Variants in ASIC2 observed in about 807,000 individuals in gnomAD.
ASIC2 encodes acid-sensing ion channel 2.
A neutral mutation model predicts 57.3 loss-of-function variants in ASIC2; 25 were observed. The ratio of observed to expected loss-of-function variants is 0.44; its 90% CI spans 0.32 to 0.61. The LOEUF (loss-of-function observed/expected upper bound fraction) is 0.61, where lower values mean the gene tolerates loss of function less well. Ranked by LOEUF, ASIC2 falls within the 20% of genes least tolerant of loss-of-function variation. ASIC2 has a pLI of 0.06. For missense variants in ASIC2, 641 were observed against 738.1 expected (o/e 0.87, Z 1.52); for synonymous variants, 319 against 307.5 (o/e 1.04, Z -0.39).
chr17:33,853,255 T>C (rs1159544011), intron 1 of ASIC2, among the ~76,000 whole-genome samples: 2 of 152,132 alleles, frequency 1.3e-5, no homozygotes, highest in African/African-American at 2.4e-5. Flanking sequence ...GGGATGGTAG[T>C]AGAGGACCTC....
chr17:33,470,319 A>ATCCCTTTTAG (rs1373013113), intron 1 of ASIC2, among the ~76,000 whole-genome samples: 1 of 152,118 alleles, frequency 6.6e-6, no homozygotes, highest in Non-Finnish European at 1.5e-5. Flanking sequence ...CTGTGACCAG[A>ATCCCTTTTAG]TCCCTTTTAG....
At chr17:33,565,564 T>A (rs1440642415) in intron 1 of ASIC2, among the ~76,000 whole-genome samples, 1 of 152,216 alleles carries the variant, frequency 6.6e-6, no homozygotes, top group African/African-American at 2.4e-5. Context: ...CGTCCTCATC[T>A]TCCTTACCAA....
chr17:33,413,044 C>G (rs1910718793), intron 1 of ASIC2, among the ~76,000 whole-genome samples: 2 of 152,186 alleles, frequency 1.3e-5, no homozygotes, highest in African/African-American at 4.8e-5. Context: ...AGGCACTTGG[C>G]TTCTGAGGAC....
chr17:33,847,202 T>C (rs960020987), intron 1 of ASIC2, among the ~76,000 whole-genome samples: 1 of 151,638 alleles, frequency 6.6e-6, no homozygotes, highest in Non-Finnish European at 1.5e-5. Context: ...AAGTTTCTAG[T>C]AGCTTCAGGC....
intron 1 of ASIC2, among the ~76,000 whole-genome samples, chr17:33,922,794 C>T (rs1471890220): frequency 6.6e-6 from 1 of 152,172 alleles, no homozygotes; most frequent in African/African-American, 2.4e-5. Context: ...AGTTCCAACA[C>T]ACATGTTCTC....
intron 1 of ASIC2, among the ~76,000 whole-genome samples, chr17:33,130,785 C>CT (rs1366129778): frequency 6.6e-6 from 1 of 152,170 alleles, no homozygotes; most frequent in Non-Finnish European, 1.5e-5. Flanking sequence ...ACAGGAGGTG[C>CT]TGAAGGTGGA....
At chr17:33,892,826 G>A (rs1219900066) in intron 1 of ASIC2, among the ~76,000 whole-genome samples, 1 of 152,084 alleles carries the variant, frequency 6.6e-6, no homozygotes, top group African/African-American at 2.4e-5. Context: ...GCAGAGCCCC[G>A]AGCTGCCTGT....
At position 33,392,196 on chromosome 17, in the gene ASIC2, C is replaced by CCTTCCTTCCT. The variant is rs1567846190; in HGVS notation, c.556-280130_556-280129insAGGAAGGAAG. On this transcript the variant is annotated intron_variant, in intron 1 of 9. Transcript: ENST00000359872. ...CTTCCTTCCTTCCTTCCTTCCTTCC[C>CCTTCCTTCCT]TCCTTCCTTCCTTCCTTCCTTCCTT... Among the ~76,000 whole-genome samples the CCTTCCTTCCT allele has an allele frequency of 1.5e-3, 58 of 37,832 alleles. 3 individuals are homozygous for CCTTCCTTCCT. Among genetic ancestry groups the CCTTCCTTCCT allele is most frequent in the East Asian group, 3.8e-3 (6 of 1,570 alleles). The allele number at this position is 37,832 out of a possible 152,430, so 24.8% of individuals were successfully genotyped here.
rs1242444433 is a variant in ASIC2, at chr17:33,497,946, CAA to C, written c.556-385881_556-385880del. On this transcript the variant is annotated intron_variant, in intron 1 of 9. Coordinates refer to the ASIC2 transcript ENST00000359872. ...GTAAGTGATCCTACTGGAATAAAAA[CAA>C]GAGGGCAATCACAGTGGGTGGCTAT... Among the ~76,000 whole-genome samples, 7 of 152,306 alleles carry C rather than the reference CAA, an allele frequency of 4.6e-5. No individual in the cohort carries two copies. In the East Asian group the frequency reaches 9.6e-4, roughly 21 times the overall value.
intron 3 of ASIC2, among the ~76,000 whole-genome samples, chr17:33,064,800 A>G (rs938461220): frequency 1.3e-5 from 2 of 152,240 alleles, no homozygotes; most frequent in African/African-American, 2.4e-5. Context: ...CTATTCGGCC[A>G]TCTTGGAACC....
chr17:33,300,109 C>T (rs1212819466), intron 1 of ASIC2, among the ~76,000 whole-genome samples: 1 of 152,156 alleles, frequency 6.6e-6, no homozygotes, highest in East Asian at 1.9e-4. Context: ...AGTTTCTCCA[C>T]CCCATCCCCA....
chr17:34,139,749 G>A (rs151008882), intron 1 of ASIC2, among the ~76,000 whole-genome samples: 1 of 152,036 alleles, frequency 6.6e-6, no homozygotes, highest in Non-Finnish European at 1.5e-5. Context: ...CCTAGAACTG[G>A]AGGGGGGGGG....
At position 34,134,712 on chromosome 17, in the gene ASIC2, C is replaced by T. The variant is rs540047155; in HGVS notation, c.555+21266G>A. On this transcript the variant is annotated intron_variant, in intron 1 of 9. Coordinates refer to the ASIC2 transcript ENST00000359872. The stretch of plus-strand genomic sequence containing the variant: ...ATACTCCAGAATCTGTTTCTATTTG[C>T]GCCAATCCCAAGATTAATCAGGTCT... Among the ~76,000 whole-genome samples the T allele has an allele frequency of 1.6e-4, 24 of 152,290 alleles. No homozygotes were observed. In the South Asian group the frequency reaches 3.5e-3, roughly 22 times the overall value.
chr17:33,646,427 G>A (rs1355370087), intron 1 of ASIC2, among the ~76,000 whole-genome samples: 1 of 152,172 alleles, frequency 6.6e-6, no homozygotes, highest in African/African-American at 2.4e-5. Context: ...CTTGGAAGGG[G>A]AAAAGAAGGA....
chr17:34,044,700 C>T (rs183389612), intron 1 of ASIC2, among the ~76,000 whole-genome samples: 47 of 152,226 alleles, frequency 3.1e-4, no homozygotes, highest in African/African-American at 5.5e-4. Flanking sequence ...CTTTAGTGGA[C>T]GTGTTTGTCT....
intron 1 of ASIC2, among the ~76,000 whole-genome samples, chr17:33,577,818 G>C (rs533392281): frequency 6.6e-6 from 1 of 152,104 alleles, no homozygotes; most frequent in African/African-American, 2.4e-5. Flanking sequence ...ACCACCATCC[G>C]TGAAACTCCT....
intron 1 of ASIC2, among the ~76,000 whole-genome samples, chr17:33,340,772 G>A (rs980344685): frequency 1.3e-5 from 2 of 152,124 alleles, no homozygotes; most frequent in African/African-American, 2.4e-5. Flanking sequence ...GCAGCAGAGT[G>A]TGTGAGCAAG....
At chr17:33,367,605 A>C (rs1196176243) in intron 1 of ASIC2, among the ~76,000 whole-genome samples, 1 of 151,808 alleles carries the variant, frequency 6.6e-6, no homozygotes, top group African/African-American at 2.4e-5. Context: ...AGGGGTACTC[A>C]CTCTTTTTTT....
chr17:33,929,051 T>G (rs953309282), intron 1 of ASIC2, among the ~76,000 whole-genome samples: 3 of 152,092 alleles, frequency 2.0e-5, no homozygotes, highest in Non-Finnish European at 4.4e-5. Flanking sequence ...CAGATAGCAC[T>G]GCCTTAACCA....
Sources: allele counts gnomAD v4.1 joint callset (sites outside exome capture counted in the v4.1 genomes callset), GRCh38; gene constraint gnomAD v4.1.1; transcripts MANE v1.5; gene names NCBI Gene and HGNC (gene_info 2026-07-23, HGNC 2026-07-21).